The following ADK variants were observed in gnomAD, a reference collection of about 807,000 sequenced individuals.
The protein encoded by ADK is adenosine kinase, also known as N6,N6-dimethyladenosine kinase.
Under a neutral mutation model 44.7 loss-of-function variants are expected in ADK, and 24 were observed. The observed-to-expected ratio is 0.54, with a 90% CI of 0.39 to 0.76. The LOEUF (loss-of-function observed/expected upper bound fraction) is 0.76. Among genes scored for constraint, ADK ranks in the 30% least tolerant of loss-of-function variants. The probability of loss-of-function intolerance (pLI) is 0.00; values close to 1 mark genes in which losing one functional copy is unlikely to be tolerated. For synonymous variants in ADK, 128 were observed against 142.6 expected (o/e 0.90, Z 0.73); for missense variants, 321 against 425.1 (o/e 0.76, Z 2.15).
intron 1 of ADK, among the ~76,000 whole-genome samples, chr10:74,155,711 A>G (rs1027953237): frequency 7.2e-5 from 11 of 151,824 alleles, no homozygotes; most frequent in African/African-American, 2.4e-4. Flanking sequence ...TGTATTTTTA[A>G]TAGAGACGGG....
intron 7 of ADK, among the ~76,000 whole-genome samples, chr10:74,526,836 C>T (rs948332848): frequency 3.9e-5 from 6 of 152,116 alleles, no homozygotes; most frequent in Admixed American, 6.5e-5. Context: ...TTTAGTTTTT[C>T]CTTATTAACA....
intron 1 of ADK, 125 bp downstream of exon 1, chr10:74,151,468 A>G (rs1041664602): frequency 9.4e-7 from 1 of 1,060,868 alleles, no homozygotes; most frequent in Non-Finnish European, 1.4e-6. Context: ...AACACGCAGG[A>G]CCTCCCCCAG....
intron 9 of ADK, among the ~76,000 whole-genome samples, chr10:74,601,360 T>C (rs1852112228): frequency 6.6e-6 from 1 of 152,160 alleles, no homozygotes; most frequent in Non-Finnish European, 1.5e-5. Flanking sequence ...AAAGATGAAA[T>C]TACTGTCAAG....
intron 3 of ADK, among the ~76,000 whole-genome samples, chr10:74,304,680 T>C (rs972915345): frequency 2.2e-4 from 33 of 152,166 alleles, no homozygotes; most frequent in African/African-American, 7.5e-4. Context: ...TCAAGGGAAA[T>C]CTAGTTTTGT....
At chr10:74,694,647 A>G (rs1292966179) in intron 10 of ADK, among the ~76,000 whole-genome samples, 1 of 151,662 alleles carries the variant, frequency 6.6e-6, no homozygotes, top group Non-Finnish European at 1.5e-5. Flanking sequence ...ATGCCCAGCT[A>G]ATTTTTCTAT....
chr10:74,670,279 A>G lies in ADK; in HGVS notation c.964+10A>G. On this transcript the variant is annotated intron_variant, in intron 10 of 10. Transcript: ENST00000539909. ...GATGCATTTGTTGGAGGTACAGACT[A>G]ATTTATTTCATTCTTACTTACAAGT... 1 of 1,598,828 alleles carries G rather than the reference A, an allele frequency of 6.3e-7. No individual in the cohort carries two copies. The highest frequency in any genetic ancestry group is 8.6e-7 in the Non-Finnish European group (1 of 1,166,240).
intron 3 of ADK, among the ~76,000 whole-genome samples, chr10:74,273,891 G>A (rs937642622): frequency 5.9e-5 from 9 of 152,274 alleles, no homozygotes; most frequent in African/African-American, 1.9e-4. Flanking sequence ...TAAACCTTAC[G>A]TAAAGTTCTA....
intron 4 of ADK, among the ~76,000 whole-genome samples, chr10:74,319,976 C>T (rs1464599306): frequency 1.3e-5 from 2 of 152,016 alleles, no homozygotes; most frequent in Non-Finnish European, 2.9e-5. Flanking sequence ...TCTTTTAAAT[C>T]ATATAAAAAT....
intron 2 of ADK, among the ~76,000 whole-genome samples, chr10:74,219,254 G>T (rs1232676393): frequency 1.3e-5 from 2 of 151,522 alleles, no homozygotes; most frequent in African/African-American, 4.8e-5. Flanking sequence ...AACCAACAAA[G>T]ATCAAAAGAG....
intron 4 of ADK, among the ~76,000 whole-genome samples, chr10:74,352,665 A>C (rs1564670239): frequency 6.6e-6 from 1 of 152,232 alleles, no homozygotes; most frequent in Admixed American, 6.5e-5. Context: ...AAATTTTTGC[A>C]ATCTATCCAT....
intron 6 of ADK, among the ~76,000 whole-genome samples, chr10:74,429,317 A>G (rs1379543605): frequency 6.6e-6 from 1 of 152,236 alleles, no homozygotes; most frequent in Non-Finnish European, 1.5e-5. Flanking sequence ...CTCTTACAAC[A>G]TTAAATTATG....
intron 4 of ADK, among the ~76,000 whole-genome samples, chr10:74,347,582 C>T (rs1245836842): frequency 2.0e-5 from 3 of 152,092 alleles, no homozygotes; most frequent in South Asian, 2.1e-4. Context: ...GTTAACTCCC[C>T]TGGAAAGGGG....
At chr10:74,376,188 C>T (rs1315770342) in intron 4 of ADK, among the ~76,000 whole-genome samples, 2 of 151,926 alleles carry the variant, frequency 1.3e-5, no homozygotes, top group Non-Finnish European at 2.9e-5. Context: ...GTAAACTGCT[C>T]CCTTAATCCC....
chr10:74,364,647 T>C (rs1418856757), intron 4 of ADK, among the ~76,000 whole-genome samples: 3 of 151,934 alleles, frequency 2.0e-5, no homozygotes, highest in Non-Finnish European at 4.4e-5. Flanking sequence ...GCTCTTCTAA[T>C]GTTTTCCTTT....
At chr10:74,638,651 T>C (rs1413223310) in intron 9 of ADK, among the ~76,000 whole-genome samples, 5 of 152,232 alleles carry the variant, frequency 3.3e-5, no homozygotes, top group Admixed American at 3.3e-4. Flanking sequence ...AGTGAAACCA[T>C]GTCTCATTCA....
At position 74,394,237 on chromosome 10, in the gene ADK, C is replaced by T. The variant is rs758127573; in HGVS notation, c.370C>T (p.His124Tyr). Residue 124 changes from histidine to tyrosine, a missense_variant, in exon 5 of 11, where the codon CAT (histidine) becomes TAT (tyrosine). Physicochemically the swap from His to Tyr is moderately conservative, Grantham distance 83. Transcript: ENST00000539909. ...EILKRKAAEA[H>Y]VDAHYYEQNE... ...CCTGAAGAGAAAAGCTGCTGAAGCC[C>T]ATGTGGATGCTCATTACTACGAGCA... The T allele has an allele frequency of 1.9e-6, 3 of 1,613,888 alleles. No individual in the cohort carries two copies. Among genetic ancestry groups the T allele is most frequent in the Admixed American group, 1.7e-5 (1 of 59,994 alleles).
intron 3 of ADK, among the ~76,000 whole-genome samples, chr10:74,233,893 T>C (rs1303456856): frequency 6.6e-6 from 1 of 152,224 alleles, no homozygotes; most frequent in Non-Finnish European, 1.5e-5. Context: ...CTAGAAACTT[T>C]ATTCAGAGCA....
chr10:74,484,126 A>C (rs1847181419), intron 6 of ADK, among the ~76,000 whole-genome samples: 1 of 152,158 alleles, frequency 6.6e-6, no homozygotes, highest in East Asian at 1.9e-4. Context: ...GGTACCTTAG[A>C]AAGAAAAGAG....
intron 3 of ADK, among the ~76,000 whole-genome samples, chr10:74,282,931 C>G (rs185389743): frequency 6.6e-6 from 1 of 152,202 alleles, no homozygotes; most frequent in East Asian, 1.9e-4. Context: ...TGAAAAAATA[C>G]CATGAGAGTA....
Sources: allele counts gnomAD v4.1 joint callset (sites outside exome capture counted in the v4.1 genomes callset), GRCh38; gene constraint gnomAD v4.1.1; transcripts MANE v1.5; gene names NCBI Gene and HGNC (gene_info 2026-07-23, HGNC 2026-07-21).